The following KCTD16 variants were observed in gnomAD, a reference collection of about 807,000 sequenced individuals.
The protein encoded by KCTD16 is potassium channel tetramerization domain containing 16.
KCTD16 carries 13 observed loss-of-function variants against 33.2 expected under a neutral mutation model. That is an observed-to-expected ratio of 0.39 (90% confidence interval 0.25 to 0.62). The LOEUF is 0.62. Among genes scored for constraint, KCTD16 ranks in the 20% least tolerant of loss-of-function variants. The pLI, the probability that KCTD16 is intolerant of heterozygous loss-of-function variation, is 0.50. For synonymous variants in KCTD16, 197 were observed against 195.3 expected (o/e 1.01, Z -0.07); for missense variants, 441 against 525.1 (o/e 0.84, Z 1.57).
At chr5:144,316,284 C>T (rs1751910659) in intron 3 of KCTD16, among the ~76,000 whole-genome samples, 2 of 152,036 alleles carry the variant, frequency 1.3e-5, no homozygotes, top group African/African-American at 4.8e-5. Flanking sequence ...CAGAGGGAAA[C>T]CGAGCTTGTA....
At chr5:144,364,064 C>T (rs1751777991) in intron 3 of KCTD16, among the ~76,000 whole-genome samples, 2 of 152,032 alleles carry the variant, frequency 1.3e-5, no homozygotes, top group Non-Finnish European at 1.5e-5. Flanking sequence ...TTCTTAAGTC[C>T]TTTGTTCTCA....
chr5:144,239,094 C>G (rs1028528544), intron 3 of KCTD16, among the ~76,000 whole-genome samples: 7 of 152,134 alleles, frequency 4.6e-5, no homozygotes, highest in Admixed American at 3.9e-4. Flanking sequence ...TGATTTTTAG[C>G]AAGTCTAGAC....
At chr5:144,185,494 C>G (rs1288932007) in intron 2 of KCTD16, among the ~76,000 whole-genome samples, 1 of 151,966 alleles carries the variant, frequency 6.6e-6, no homozygotes, top group South Asian at 2.1e-4. Context: ...TTTTTTGGCT[C>G]TGGTTGAGCT....
intron 3 of KCTD16, among the ~76,000 whole-genome samples, chr5:144,407,770 C>G (rs1166831991): frequency 1.3e-5 from 2 of 152,106 alleles, no homozygotes; most frequent in Non-Finnish European, 2.9e-5. Flanking sequence ...GTTCAACTCC[C>G]TCTTATGAGT....
intron 3 of KCTD16, among the ~76,000 whole-genome samples, chr5:144,468,368 GT>G (rs1190470465): frequency 6.6e-6 from 1 of 152,164 alleles, no homozygotes; most frequent in East Asian, 1.9e-4. Context: ...TGAGGTGCCT[GT>G]GTTCCTGACT....
At chr5:144,468,586 C>A (rs1468893758) in intron 3 of KCTD16, among the ~76,000 whole-genome samples, 1 of 152,210 alleles carries the variant, frequency 6.6e-6, no homozygotes, top group African/African-American at 2.4e-5. Context: ...CTCCACTATG[C>A]AATATCGTTT....
At chr5:144,250,583 A>G (rs1257761975) in intron 3 of KCTD16, among the ~76,000 whole-genome samples, 1 of 152,208 alleles carries the variant, frequency 6.6e-6, no homozygotes, top group Non-Finnish European at 1.5e-5. Flanking sequence ...GGCAATTTAC[A>G]TTTGCTCTCA....
intron 3 of KCTD16, among the ~76,000 whole-genome samples, chr5:144,216,617 G>A (rs764284508): frequency 1.3e-5 from 2 of 152,158 alleles, no homozygotes; most frequent in African/African-American, 2.4e-5. Context: ...ACTGAGGTGG[G>A]TGGATTGCCT....
chr5:144,192,735 A>G (rs964522693), intron 2 of KCTD16, among the ~76,000 whole-genome samples: 3 of 152,126 alleles, frequency 2.0e-5, no homozygotes, highest in African/African-American at 7.2e-5. Context: ...GAATATCACT[A>G]TTTTTGAAAT....
At chr5:144,450,786 G>A (rs1753923705) in intron 3 of KCTD16, among the ~76,000 whole-genome samples, 2 of 152,056 alleles carry the variant, frequency 1.3e-5, no homozygotes, top group Non-Finnish European at 2.9e-5. Flanking sequence ...TAGTTACTAG[G>A]TATCGAGGGG....
intron 3 of KCTD16, among the ~76,000 whole-genome samples, chr5:144,401,022 T>G (rs1454516495): frequency 6.6e-6 from 1 of 151,066 alleles, no homozygotes; most frequent in African/African-American, 2.4e-5. Flanking sequence ...TTTGGAAAGG[T>G]AGGCAGGGAC....
At chr5:144,226,293 A>G (rs938368675) in intron 3 of KCTD16, among the ~76,000 whole-genome samples, 1 of 152,222 alleles carries the variant, frequency 6.6e-6, no homozygotes, top group Non-Finnish European at 1.5e-5. Context: ...GATTCTTACC[A>G]AAGATCATAG....
At chr5:144,212,519 C>T (rs1011094127) in intron 3 of KCTD16, among the ~76,000 whole-genome samples, 5 of 152,070 alleles carry the variant, frequency 3.3e-5, no homozygotes, top group African/African-American at 1.2e-4. Flanking sequence ...TTCTAACAGC[C>T]TAATGAGGTT....
intron 3 of KCTD16, among the ~76,000 whole-genome samples, chr5:144,360,190 C>T (rs1025148726): frequency 1.3e-5 from 2 of 151,876 alleles, no homozygotes; most frequent in African/African-American, 4.8e-5. Flanking sequence ...TTTGCTGCAC[C>T]CATCAACCCA....
chr5:144,475,405 G>A lies in KCTD16; in HGVS notation c.*1291G>A, dbSNP rs1361183801. 1.3e-5 allele frequency: 2 copies of A among 152,244 alleles called. No individual in the cohort carries two copies. Among genetic ancestry groups the A allele is most frequent in the South Asian group, 2.1e-4 (1 of 4,822 alleles). 9.4% of individuals were successfully genotyped at this position (152,244 alleles called of 1,614,324 possible). On this transcript the variant is annotated 3_prime_UTR_variant, in exon 4 of 4. Transcript: ENST00000512467. Reference sequence around the variant, plus strand: ...AGGTAACTGAAGCTCCAGAGTTAAGGTTTCAGATTTCTAAATGAAACTATC... The same window carrying A: ...AGGTAACTGAAGCTCCAGAGTTAAGATTTCAGATTTCTAAATGAAACTATC...
intron 3 of KCTD16, among the ~76,000 whole-genome samples, chr5:144,241,073 G>A (rs754435066): frequency 1.3e-5 from 2 of 152,000 alleles, no homozygotes; most frequent in African/African-American, 2.4e-5. Context: ...GTAGAACAGG[G>A]CAGAATTCTT....
chr5:144,177,516 C>T (rs1303592457), intron 2 of KCTD16, among the ~76,000 whole-genome samples: 7 of 152,132 alleles, frequency 4.6e-5, no homozygotes, highest in East Asian at 1.9e-4. Context: ...GAATCTGCTC[C>T]GTACCTCTTT....
In KCTD16 at chr5:144,414,740, A is replaced by G. The variant is rs187432895; in HGVS notation, c.833-58920A>G. On this transcript the variant is annotated intron_variant, in intron 3 of 3. Transcript: ENST00000512467. ...TTATGCCTCAATTTTTTTCTGCTAT[A>G]TCACCCTCTCTCCAAATCTTAAGTG... Among the ~76,000 whole-genome samples the G allele has an allele frequency of 7.2e-5, 11 of 152,246 alleles. No individual in the cohort carries two copies. The East Asian group carries it at 2.1e-3, about 29-fold the overall frequency.
In KCTD16 at chr5:144,479,967, C is replaced by T. The variant is rs1427236378; in HGVS notation, c.*5853C>T. 1 of 151,948 alleles carries T rather than the reference C, an allele frequency of 6.6e-6. No individual in the cohort carries two copies. Among genetic ancestry groups the T allele is most frequent in the African/African-American group, 2.4e-5 (1 of 41,408 alleles). The allele number at this position is 151,948 out of a possible 1,614,324, so 9.4% of individuals were successfully genotyped here. A position where few individuals can be genotyped will look rare whatever the true frequency, so the allele number is the denominator to read the frequency against. On this transcript the variant is annotated 3_prime_UTR_variant, in exon 4 of 4. Coordinates refer to ENST00000512467, the MANE Select transcript of KCTD16 (RefSeq NM_020768.4). ...TTATTAAGTCTCTTGTCTCCAGCAA[C>T]CTCCTCCATCTTATCAGTTTATTTT...
Sources: gnomAD v4.1 joint callset for allele counts (sites outside exome capture counted in the v4.1 genomes callset) on GRCh38, gnomAD v4.1.1 for gene constraint, MANE v1.5 for transcripts, NCBI Gene and HGNC (gene_info 2026-07-23, HGNC 2026-07-21) for gene names.